The following UNC5B variants were observed in gnomAD, a reference collection of about 807,000 sequenced individuals.
UNC5B encodes the protein netrin receptor UNC5B.
UNC5B carries 56 observed loss-of-function variants against 103.7 expected under a neutral mutation model. The observed-to-expected ratio is 0.54, with a 90% CI of 0.44 to 0.67. The LOEUF (loss-of-function observed/expected upper bound fraction) is 0.67, where lower values mean the gene tolerates loss of function less well. Ranked by LOEUF, UNC5B falls within the 30% of genes least tolerant of loss-of-function variation. UNC5B has a pLI of 0.00. For missense variants in UNC5B, 1,194 were observed against 1,284.5 expected, an observed-to-expected ratio of 0.93 and a Z score of 1.08; for synonymous variants, 577 against 542.0, an observed-to-expected ratio of 1.06 and a Z score of -0.90.
chr10:71,241,381 A>T (rs1276521334), intron 1 of UNC5B, among the ~76,000 whole-genome samples: 1 of 152,138 alleles, frequency 6.6e-6, no homozygotes, highest in African/African-American at 2.4e-5. Context: ...GCTTGTAAAG[A>T]CACATGAAGA....
Position 71,285,449 on chromosome 10 carries a change from C to T in UNC5B, c.552+20C>T, listed in dbSNP as rs1280496591. On this transcript the variant is annotated intron_variant, in intron 4 of 16. Coordinates refer to ENST00000335350, the MANE Select transcript of UNC5B (RefSeq NM_170744.5). ...GCCGAGGTGAGCGGGGACGTAGGGA[C>T]CACTGAGCACGGCCCTGTGGCCATG... 6.4e-7 allele frequency: 1 copy of T among 1,559,810 alleles called. No homozygotes were observed. Among genetic ancestry groups the T allele is most frequent in the Admixed American group, 1.9e-5 (1 of 53,266 alleles).
intron 1 of UNC5B, among the ~76,000 whole-genome samples, chr10:71,241,183 C>T (rs1589159403): frequency 6.6e-6 from 1 of 152,170 alleles, no homozygotes; most frequent in Non-Finnish European, 1.5e-5. Context: ...GGTTTCATGT[C>T]CTAGCTCCAG....
intron 16 of UNC5B, 27 bp downstream of exon 16, chr10:71,298,117 C>A: frequency 6.4e-7 from 1 of 1,568,396 alleles, no homozygotes; most frequent in Non-Finnish European, 8.6e-7. Context: ...ACAGCCCATC[C>A]CCATCTGCCT....
intron 1 of UNC5B, among the ~76,000 whole-genome samples, chr10:71,228,234 A>G (rs149742117): frequency 1.3e-3 from 191 of 152,356 alleles, no homozygotes; most frequent in African/African-American, 4.4e-3. Context: ...TCTAGATGTA[A>G]ACAATGATAC....
rs374376129 is a variant in UNC5B, at chr10:71,213,391, C to T, written c.79+327C>T. Among the ~76,000 whole-genome samples the T allele has an allele frequency of 2.0e-5, 3 of 152,146 alleles. No individual in the cohort carries two copies. Among genetic ancestry groups the T allele is most frequent in the Non-Finnish European group, 4.4e-5 (3 of 68,018 alleles). On this transcript the variant is annotated intron_variant, in intron 1 of 16. Transcript: ENST00000335350. The surrounding 1 kb of genome is among the most constrained non-coding windows in gnomAD (Gnocchi z 4.1). ...CCTCCTGGGGACGCCCGGCTCTCCGCGCGCCTGGCATCCGCCCCGAAAAAG... is the reference window on the plus strand; with the variant it reads ...CCTCCTGGGGACGCCCGGCTCTCCGTGCGCCTGGCATCCGCCCCGAAAAAG...
chr10:71,216,506 G>C (rs1431491827), intron 1 of UNC5B, among the ~76,000 whole-genome samples: 2 of 152,192 alleles, frequency 1.3e-5, no homozygotes, highest in Admixed American at 6.5e-5. Flanking sequence ...CCCTGACCTG[G>C]GGAAGGGAGA....
Position 71,293,878 on chromosome 10 carries a change from C to G in UNC5B, c.2120C>G (p.Ser707Cys), listed in dbSNP as rs1159915936. The G allele has an allele frequency of 5.0e-6, 8 of 1,607,244 alleles. No homozygotes were observed. Among genetic ancestry groups the G allele is most frequent in the Non-Finnish European group, 6.8e-6 (8 of 1,179,788 alleles). Reference protein sequence around the residue: ...LAVFAPALCTSLEYSLRVYCL... With the variant: ...LAVFAPALCTCLEYSLRVYCL... ...GTCTTCGCCCCCGCCCTCTGCACCTCCCTGGAGTACAGCCTCCGGGTCTAC... is the reference window on the plus strand; with the variant it reads ...GTCTTCGCCCCCGCCCTCTGCACCTGCCTGGAGTACAGCCTCCGGGTCTAC... The change falls in exon 13 of 17, where the codon TCC (serine) becomes TGC (cysteine). Residue 707 changes from serine (S) to cysteine (C), a missense_variant. Transcript: ENST00000335350.
chr10:71,236,319 A>G (rs988245311), intron 1 of UNC5B, among the ~76,000 whole-genome samples: 1 of 152,100 alleles, frequency 6.6e-6, no homozygotes, highest in Non-Finnish European at 1.5e-5. Flanking sequence ...GAAAGACCCT[A>G]CACCTTCCCT....
chr10:71,292,405 A>C, intron 10 of UNC5B, 62 bp from the exon 11 acceptor site: 1 of 1,454,544 alleles, frequency 6.9e-7, no homozygotes, highest in African/African-American at 1.4e-5. Context: ...GCTGGGGCCA[A>C]CTTCCCAAAC....
At position 71,213,936 on chromosome 10, in the gene UNC5B, C is replaced by G. The variant is rs1443247358; in HGVS notation, c.79+872C>G. 6.6e-6 allele frequency among the ~76,000 whole-genome samples: 1 copy of G among 151,856 alleles called. No homozygotes were observed. Among genetic ancestry groups the G allele is most frequent in the Admixed American group, 6.6e-5 (1 of 15,238 alleles). Reference sequence around the variant, plus strand: ...GGGCTCCGAAATAAAGTCCCTAACCCTCCTCTCTCGCCGTGGATGAATACG... The same window carrying G: ...GGGCTCCGAAATAAAGTCCCTAACCGTCCTCTCTCGCCGTGGATGAATACG... On this transcript the variant is annotated intron_variant, in intron 1 of 16. Coordinates refer to ENST00000335350, the MANE Select transcript of UNC5B (RefSeq NM_170744.5). This position sits in a 1 kb window ranked among gnomAD's most constrained non-coding sequence, Gnocchi z 4.1.
chr10:71,271,957 C>T lies in UNC5B; in HGVS notation c.80-7864C>T, dbSNP rs149779666. On this transcript the variant is annotated intron_variant, in intron 1 of 16. Coordinates refer to ENST00000335350, the MANE Select transcript of UNC5B (RefSeq NM_170744.5). Reference sequence around the variant, plus strand: ...GCCCCCATTTGTCATCGGTAACGGCCATTGTGACCGCCTCCGAGGGGGCCC... The same window carrying T: ...GCCCCCATTTGTCATCGGTAACGGCTATTGTGACCGCCTCCGAGGGGGCCC... Among the ~76,000 whole-genome samples the T allele has an allele frequency of 9.9e-3, 1,505 of 152,254 alleles. 29 individuals are homozygous for T. Among genetic ancestry groups the T allele is most frequent in the Middle Eastern group, 0.027 (8 of 294 alleles).
chr10:71,294,151 C>T (rs1283721519), intron 13 of UNC5B, among the ~76,000 whole-genome samples: 1 of 152,192 alleles, frequency 6.6e-6, no homozygotes, highest in Non-Finnish European at 1.5e-5. Context: ...CCAGGGATCC[C>T]TGAAGGCTCT....
chr10:71,269,840 T>C (rs1347827111), intron 1 of UNC5B, among the ~76,000 whole-genome samples: 6 of 151,912 alleles, frequency 3.9e-5, no homozygotes, highest in African/African-American at 7.3e-5. Context: ...GGAAAGAGAA[T>C]GGTGCATTTT....
rs755560989 is a variant in UNC5B, at chr10:71,291,011, A to G, written c.1196A>G (p.Tyr399Cys). The change falls in exon 9 of 17, where the codon TAC (tyrosine) becomes TGC (cysteine). Residue 399 changes from tyrosine to cysteine, a missense_variant. Tyr to Cys is a radical substitution (Grantham distance 194). Coordinates refer to ENST00000335350, the MANE Select transcript of UNC5B (RefSeq NM_170744.5). ...CTCATGGCGGTGGGGGTGGTGGTGT[A>G]CCGCCGCAACTGCCGTGACTTCGAC... is the stretch of plus-strand genomic sequence containing the variant. ...AILMAVGVVV[Y>C]RRNCRDFDTD... 4 of 1,613,302 alleles carry G rather than the reference A, an allele frequency of 2.5e-6. No homozygotes were observed. The highest frequency in any genetic ancestry group is 2.2e-5 in the East Asian group (1 of 44,844).
At chr10:71,289,787 A>T (rs1845198378) in intron 8 of UNC5B, among the ~76,000 whole-genome samples, 2 of 152,296 alleles carry the variant, frequency 1.3e-5, no homozygotes, top group Non-Finnish European at 2.9e-5. Context: ...TCCTCTGGGG[A>T]GCCCAAGAGT....
At chr10:71,223,223 C>G (rs1384132605) in intron 1 of UNC5B, among the ~76,000 whole-genome samples, 1 of 152,284 alleles carries the variant, frequency 6.6e-6, no homozygotes, top group Middle Eastern at 3.4e-3. Context: ...TGATTTGGCT[C>G]ACTCGTGTGG....
chr10:71,288,643 G>A lies in UNC5B; in HGVS notation c.977G>A (p.Cys326Tyr). 6.2e-7 allele frequency: 1 copy of A among 1,613,966 alleles called. No homozygotes were observed. The highest frequency in any genetic ancestry group is 2.2e-5 in the East Asian group (1 of 44,880). ...TGTGCCCACTGGCGTAGCCGCGAGT[G>A]CATGGCGCCCCCACCCCAGAACGGA... ...TECAHWRSRE[C>Y]MAPPPQNGGR... Residue 326 changes from cysteine (C) to tyrosine (Y), a missense_variant, in exon 7 of 17, where the codon TGC becomes TAC. Physicochemically the swap from Cys to Tyr is radical, Grantham distance 194. Coordinates refer to ENST00000335350, the MANE Select transcript of UNC5B (RefSeq NM_170744.5).
At chr10:71,259,332 T>A (rs1844361769) in intron 1 of UNC5B, among the ~76,000 whole-genome samples, 1 of 148,044 alleles carries the variant, frequency 6.8e-6, no homozygotes, top group Non-Finnish European at 1.5e-5. Context: ...GAGGTTGTAG[T>A]GAGCCGATAT....
intron 10 of UNC5B, 57 bp downstream of exon 10, chr10:71,291,878 G>A: frequency 6.6e-7 from 1 of 1,521,154 alleles, no homozygotes; most frequent in African/African-American, 1.4e-5. Context: ...TCTGTGGACT[G>A]CCCCAACACC....
Sources: allele counts gnomAD v4.1 joint callset (sites outside exome capture counted in the v4.1 genomes callset), GRCh38; gene constraint gnomAD v4.1.1; non-coding constraint Gnocchi (gnomAD v3.1); transcripts MANE v1.5; gene names NCBI Gene and HGNC (gene_info 2026-07-23, HGNC 2026-07-21).